The following BAHCC1 variants were observed in gnomAD, a reference collection of about 807,000 sequenced individuals.
The protein encoded by BAHCC1 is BAH and coiled-coil domain-containing protein 1.
BAHCC1 carries 43 observed loss-of-function variants against 88.2 expected under a neutral mutation model. That is an observed-to-expected ratio of 0.49 (90% CI 0.38 to 0.63). The LOEUF is 0.63. BAHCC1 is among the 20% of genes least tolerant of loss of function. BAHCC1 has a pLI of 0.00. For missense variants in BAHCC1, 3,023 were observed against 1,654.8 expected, an observed-to-expected ratio of 1.83 and a Z score of -14.34; for synonymous variants, 1,510 against 745.5, an observed-to-expected ratio of 2.03 and a Z score of -16.71.
rs782222488 is a variant in BAHCC1, at chr17:81,447,020, G to A, written c.3164-16G>A. On this transcript the variant is annotated splice_polypyrimidine_tract_variant and intron_variant, in intron 10 of 27. Coordinates refer to ENST00000675386, the MANE Select transcript of BAHCC1 (RefSeq NM_001377448.1). Reference sequence around the variant, plus strand: ...ACCACTCCCAGCTCCCTGCTGACCTGTCCCCTCCTTTGCAGACCTGCCTCC... The same window carrying A: ...ACCACTCCCAGCTCCCTGCTGACCTATCCCCTCCTTTGCAGACCTGCCTCC... 3.9e-6 allele frequency: 3 copies of A among 778,688 alleles called. No homozygotes were observed. Among genetic ancestry groups the A allele is most frequent in the Admixed American group, 3.4e-5 (2 of 59,010 alleles). 48.2% of individuals were successfully genotyped at this position (778,688 alleles called of 1,614,324 possible). A position where few individuals can be genotyped will look rare whatever the true frequency, so the allele number is the denominator to read the frequency against.
chr17:81,411,491 C>T lies in BAHCC1; in HGVS notation c.178+11574C>T. The T allele has an allele frequency of 3.5e-6, 1 of 287,906 alleles. No individual in the cohort carries two copies. The highest frequency in any genetic ancestry group is 6.6e-6 in the Non-Finnish European group (1 of 151,758). The allele number at this position is 287,906 out of a possible 1,614,324, so 17.8% of individuals were successfully genotyped here. A position where few individuals can be genotyped will look rare whatever the true frequency, so the allele number is the denominator to read the frequency against. On this transcript the variant is annotated intron_variant, in intron 2 of 27. Coordinates refer to ENST00000675386, the MANE Select transcript of BAHCC1 (RefSeq NM_001377448.1). This position sits in a 1 kb window ranked among gnomAD's most constrained non-coding sequence, Gnocchi z 6.2. ...AGCCCCACCCCTGCCTGCCTGCCTG[C>T]CTGCCTGCCTGCCTGCCTGCCTGCC...
chr17:81,437,621 G>A (rs2064354179), intron 3 of BAHCC1, among the ~76,000 whole-genome samples: 1 of 152,246 alleles, frequency 6.6e-6, no homozygotes. Context: ...TGGGTGGCTG[G>A]GTGTGGCTGG....
At chr17:81,441,189 T>C (rs2064408579) in intron 4 of BAHCC1, among the ~76,000 whole-genome samples, 1 of 152,012 alleles carries the variant, frequency 6.6e-6, no homozygotes, top group African/African-American at 2.4e-5. Flanking sequence ...GAGCTGAACA[T>C]GGGGGCAGAG....
At chr17:81,404,495 G>A (rs2063855828) in intron 2 of BAHCC1, among the ~76,000 whole-genome samples, 1 of 152,214 alleles carries the variant, frequency 6.6e-6, no homozygotes, top group African/African-American at 2.4e-5. Flanking sequence ...CTGGCAGCAG[G>A]GTCATTGTCC....
chr17:81,421,992 G>T (rs571808719), intron 2 of BAHCC1: 20 of 381,278 alleles, frequency 5.2e-5, no homozygotes, highest in Middle Eastern at 3.6e-4. Flanking sequence ...CGGGGTCTCG[G>T]GTGACTCCGC....
chr17:81,401,369 G>A (rs969230567), intron 2 of BAHCC1: 4 of 152,684 alleles, frequency 2.6e-5, no homozygotes, highest in Non-Finnish European at 5.9e-5. Flanking sequence ...TTTTCTCTCT[G>A]TTGCCCTTCC....
chr17:81,419,921 G>A (rs2064095721), intron 2 of BAHCC1, among the ~76,000 whole-genome samples: 1 of 152,050 alleles, frequency 6.6e-6, no homozygotes, highest in South Asian at 2.1e-4. Context: ...CGGCTCCCGG[G>A]CCCTGCCGTC....
At position 81,458,159 on chromosome 17, in the gene BAHCC1, C is replaced by T. The variant is rs978177908; in HGVS notation, c.5042-6C>T. ...CCCCTGTGACGGCCTCCTCTCCTTC[C>T]CACAGGGGCCTGCCGCCTGTCCAGC... On this transcript the variant is annotated splice_polypyrimidine_tract_variant and splice_region_variant and intron_variant, in intron 17 of 27. Coordinates refer to ENST00000675386, the MANE Select transcript of BAHCC1 (RefSeq NM_001377448.1). 8.9e-5 allele frequency: 64 copies of T among 717,204 alleles called. No individual in the cohort carries two copies. The highest frequency in any genetic ancestry group is 7.8e-4 in the Admixed American group (39 of 50,094). 44.4% of individuals were successfully genotyped at this position (717,204 alleles called of 1,614,324 possible). A position where few individuals can be genotyped will look rare whatever the true frequency, so the allele number is the denominator to read the frequency against.
chr17:81,419,181 C>T (rs2064081453), intron 2 of BAHCC1, among the ~76,000 whole-genome samples: 2 of 152,232 alleles, frequency 1.3e-5, no homozygotes, highest in South Asian at 4.1e-4. Context: ...CTAGCCCCTG[C>T]CACAGCAGCT....
At chr17:81,456,014 G>A in intron 15 of BAHCC1, 1 of 482,506 alleles carries the variant, frequency 2.1e-6, no homozygotes, top group South Asian at 2.9e-5. Flanking sequence ...CTAACAGCCT[G>A]GCCCCACAAC....
chr17:81,395,460 C>G lies in BAHCC1; in HGVS notation c.-382C>G, dbSNP rs2063737549. On this transcript the variant is annotated 5_prime_UTR_variant, in exon 1 of 28. Transcript: ENST00000675386. ...TATGCAGGGCCCGTGGCTCGCCGCG[C>G]CAGGCTGCAGGTTTGAGAGCCGCTC... is the stretch of plus-strand genomic sequence containing the variant. The G allele has an allele frequency of 6.6e-6, 1 of 152,246 alleles. No homozygotes were observed. Among genetic ancestry groups the G allele is most frequent in the Non-Finnish European group, 1.5e-5 (1 of 68,050 alleles). The allele number at this position is 152,246 out of a possible 1,614,324, so 9.4% of individuals were successfully genotyped here.
At chr17:81,432,985 G>A (rs1400941770) in intron 3 of BAHCC1, among the ~76,000 whole-genome samples, 4 of 143,610 alleles carry the variant, frequency 2.8e-5, no homozygotes, top group East Asian at 2.1e-4. Flanking sequence ...TGCCCACTGC[G>A]TTCATTCTGG....
chr17:81,403,784 C>T (rs551625125), intron 2 of BAHCC1, among the ~76,000 whole-genome samples: 75 of 152,288 alleles, frequency 4.9e-4, no homozygotes, highest in African/African-American at 1.7e-3. Context: ...TCAAAGTTGC[C>T]GCGAGCCCAA....
At position 81,450,923 on chromosome 17, in the gene BAHCC1, G is replaced by A. The variant is rs76112821; in HGVS notation, c.3977-745G>A. 9.9e-3 allele frequency among the ~76,000 whole-genome samples: 1,507 copies of A among 152,250 alleles called. 73 individuals carry two copies. Among genetic ancestry groups the A allele is most frequent in the Admixed American group, 0.068 (1,037 of 15,296 alleles). ...ACCCTGTCTCAAATTTAAAGGTATC[G>A]AGGGGACTTGTCCCCTCCCTCTGCA... On this transcript the variant is annotated intron_variant, in intron 11 of 27. Transcript: ENST00000675386.
At chr17:81,436,801 T>C (rs556984360) in intron 3 of BAHCC1, among the ~76,000 whole-genome samples, 1 of 152,348 alleles carries the variant, frequency 6.6e-6, no homozygotes, top group South Asian at 2.1e-4. Context: ...GTTCCCAGAC[T>C]TGGCCTGGGA....
rs983907973 is a variant in BAHCC1 at position 81,464,237 on chromosome 17, T to C, written c.*420T>C. 4 of 259,364 alleles carry C rather than the reference T, an allele frequency of 1.5e-5. No individual in the cohort carries two copies. The highest frequency in any genetic ancestry group is 3.0e-5 in the Non-Finnish European group (4 of 132,068). 16.1% of individuals were successfully genotyped at this position (259,364 alleles called of 1,614,324 possible). A position where few individuals can be genotyped will look rare whatever the true frequency, so the allele number is the denominator to read the frequency against. Reference sequence around the variant, plus strand: ...ATTGTATTTCTGCGGGGAAATTTTATGGTAAAAAGTGGAAAAGGGTTTTTC... The same window carrying C: ...ATTGTATTTCTGCGGGGAAATTTTACGGTAAAAAGTGGAAAAGGGTTTTTC... On this transcript the variant is annotated 3_prime_UTR_variant, in exon 28 of 28. Coordinates refer to ENST00000675386, the MANE Select transcript of BAHCC1 (RefSeq NM_001377448.1).
At chr17:81,432,578 C>A (rs1323433018) in intron 3 of BAHCC1, among the ~76,000 whole-genome samples, 4 of 138,012 alleles carry the variant, frequency 2.9e-5, no homozygotes, top group Non-Finnish European at 6.4e-5. Flanking sequence ...GCCGGGCCCA[C>A]CCTCCCCTCC....
At chr17:81,462,677 G>A in intron 26 of BAHCC1, 63 bp from the exon 27 acceptor site, 1 of 706,020 alleles carries the variant, frequency 1.4e-6, no homozygotes, top group Admixed American at 1.9e-5. Context: ...CATGCCTCCT[G>A]GCCGCCACCT....
chr17:81,435,229 G>A lies in BAHCC1; in HGVS notation c.359-3141G>A, dbSNP rs1312127162. ...GGGTGGTTGGGAGGGGTCTGGGGGT[G>A]TGGCCATTGTGTCCCCCGCCCAGCC... On this transcript the variant is annotated intron_variant, in intron 3 of 27. Transcript: ENST00000675386. This position sits in a 1 kb window ranked among gnomAD's most constrained non-coding sequence, Gnocchi z 4.4. Among the ~76,000 whole-genome samples, 1 of 152,160 alleles carries A rather than the reference G, an allele frequency of 6.6e-6. No individual in the cohort carries two copies. The highest frequency in any genetic ancestry group is 6.5e-5 in the Admixed American group (1 of 15,286).
Sources: gnomAD v4.1 joint callset for allele counts (sites outside exome capture counted in the v4.1 genomes callset) on GRCh38, gnomAD v4.1.1 for gene constraint, Gnocchi (gnomAD v3.1) non-coding constraint, MANE v1.5 for transcripts, NCBI Gene and HGNC (gene_info 2026-07-23, HGNC 2026-07-21) for gene names.